Variants in STON1 observed in about 807,000 individuals in gnomAD.
STON1 encodes the protein stonin 1, also known as stonin-1.
STON1 carries 79 observed loss-of-function variants against 60.9 expected under a neutral mutation model. The ratio of observed to expected loss-of-function variants is 1.30; its 90% CI spans 1.08 to 1.56. STON1 has a LOEUF of 1.56. Ranked by LOEUF, STON1 falls within the 40% of genes most tolerant of loss-of-function variation. The probability of loss-of-function intolerance (pLI) is 0.00; values close to 1 mark genes in which losing one functional copy is unlikely to be tolerated. For synonymous variants in STON1, 363 were observed against 306.9 expected (o/e 1.18, Z -1.91); for missense variants, 1,166 against 858.9 (o/e 1.36, Z -4.47).
chr2:48,533,024 C>T (rs773384158), intron 1 of STON1, among the ~76,000 whole-genome samples: 3 of 151,874 alleles, frequency 2.0e-5, no homozygotes, highest in Non-Finnish European at 2.9e-5. Context: ...GAAGTGGAGG[C>T]CAGAGGATCA....
At chr2:48,569,726 A>T (rs1036690304) in intron 1 of STON1, among the ~76,000 whole-genome samples, 3 of 152,168 alleles carry the variant, frequency 2.0e-5, no homozygotes, top group Non-Finnish European at 4.4e-5. Context: ...CTTCTTATTT[A>T]TAGGGCTTGT....
chr2:48,564,476 CTTCTTTCTTCTTCTTCTT>C lies in STON1; in HGVS notation c.-47-16110_-47-16093del, dbSNP rs1672782339. Reference sequence around the variant, plus strand: ...TCTTCTTCTTCTTCTTCTTCTTCTTCTTCTTTCTTCTTCTTCTTCTTCTTCTTCTTCTTCTTCTTCTTC... The same window carrying C: ...TCTTCTTCTTCTTCTTCTTCTTCTTCCTTCTTCTTCTTCTTCTTCTTCTTC... On this transcript the variant is annotated intron_variant, in intron 1 of 3. Transcript: ENST00000404752. Among the ~76,000 whole-genome samples, 17 of 50,348 alleles carry C rather than the reference CTTCTTTCTTCTTCTTCTT, an allele frequency of 3.4e-4. 2 individuals are homozygous for C. Among genetic ancestry groups the C allele is most frequent in the African/African-American group, 1.2e-3 (16 of 12,912 alleles). The allele number at this position is 50,348 out of a possible 152,430, so 33.0% of individuals were successfully genotyped here.
intron 1 of STON1, among the ~76,000 whole-genome samples, chr2:48,572,227 G>A (rs1673247571): frequency 6.6e-6 from 1 of 152,120 alleles, no homozygotes; most frequent in Non-Finnish European, 1.5e-5. Context: ...GGAAGAGGAG[G>A]GCAGTGGGAA....
At chr2:48,554,454 C>T (rs1672226278) in intron 1 of STON1, among the ~76,000 whole-genome samples, 1 of 152,130 alleles carries the variant, frequency 6.6e-6, no homozygotes, top group African/African-American at 2.4e-5. Flanking sequence ...AACTCCTGAC[C>T]TCAGGTGATC....
intron 1 of STON1, among the ~76,000 whole-genome samples, chr2:48,579,096 C>T (rs6722556): frequency 0.33 from 49,317 of 151,716 alleles, 8,148 homozygotes; most frequent in East Asian, 0.42. Flanking sequence ...CTCTGCCTCC[C>T]GGGCTCAAGC....
chr2:48,588,167 C>G (rs77510702), intron 2 of STON1, among the ~76,000 whole-genome samples: 2,497 of 152,288 alleles, frequency 0.016, 29 homozygotes, highest in Non-Finnish European at 0.024. Context: ...TACTGTGTTT[C>G]TAACAAGTGC....
At position 48,581,282 on chromosome 2, in the gene STON1, G is replaced by T; in HGVS notation, c.649G>T (p.Asp217Tyr). Residue 217 changes from aspartate (D) to tyrosine (Y), a missense_variant, in exon 2 of 4, where the codon GAC becomes TAC. Coordinates refer to ENST00000404752, the MANE Select transcript of STON1 (RefSeq NM_006873.4). The part of the protein sequence containing the change: ...FSSRNKEMPI[D>Y]QKSLNKCSLN... ...ATCAAGAAACAAGGAGATGCCTATT[G>T]ACCAAAAAAGCCTAAATAAGTGTTC... The T allele has an allele frequency of 1.3e-6, 2 of 1,519,830 alleles. No individual in the cohort carries two copies. Among genetic ancestry groups the T allele is most frequent in the South Asian group, 1.3e-5 (1 of 74,510 alleles). 94.1% of individuals were successfully genotyped at this position (1,519,830 alleles called of 1,614,324 possible).
chr2:48,586,478 C>G (rs1043751324), intron 2 of STON1, among the ~76,000 whole-genome samples: 2 of 152,114 alleles, frequency 1.3e-5, no homozygotes, highest in African/African-American at 2.4e-5. Context: ...TTAGGGATCC[C>G]AGAGGAAAGG....
chr2:48,571,101 C>G (rs1464240981), intron 1 of STON1, among the ~76,000 whole-genome samples: 2 of 152,076 alleles, frequency 1.3e-5, no homozygotes, highest in Admixed American at 6.6e-5. Flanking sequence ...AGTGATCTGC[C>G]CGCCTTGGCC....
rs748501504 is a variant in STON1, at chr2:48,595,343, T to C, written c.*41T>C. On this transcript the variant is annotated 3_prime_UTR_variant, in exon 4 of 4. Coordinates refer to ENST00000404752, the MANE Select transcript of STON1 (RefSeq NM_006873.4). ...ATGATGACAGCCCACTTGTCAAATA[T>C]GTAATTCACCGAAACCACACCAAGT... The C allele has an allele frequency of 7.1e-6, 11 of 1,558,826 alleles. No homozygotes were observed. The highest frequency in any genetic ancestry group is 2.7e-5 in the African/African-American group (2 of 73,610).
intron 2 of STON1, among the ~76,000 whole-genome samples, chr2:48,584,654 TGGCGGGGGTG>T (rs1674096157): frequency 8.5e-6 from 1 of 117,490 alleles, no homozygotes; most frequent in African/African-American, 3.2e-5. Flanking sequence ...TCGGAATCTC[TGGCGGGGGTG>T]GGCGGTGGGG....
chr2:48,590,910 C>A (rs927028980), intron 2 of STON1, among the ~76,000 whole-genome samples: 1 of 152,034 alleles, frequency 6.6e-6, no homozygotes, highest in Non-Finnish European at 1.5e-5. Flanking sequence ...GAATTCTTGG[C>A]CTGGAACATT....
rs750432830 is a variant in STON1 at position 48,580,984 on chromosome 2, A to C, written c.351A>C (p.Ser117=). The change falls in exon 2 of 4, where the codon TCA becomes TCC. Residue 117 remains serine (S), a synonymous_variant. Coordinates refer to ENST00000404752, the MANE Select transcript of STON1 (RefSeq NM_006873.4). ...CTTCAGACAGCCCACTCGCAATATC[A>C]GGAGGAGAATCTTCCTTACTGCCTA... is the stretch of plus-strand genomic sequence containing the variant. ...ESSSDSPLAI[S]GGESSLLPTR... 14 of 1,574,160 alleles carry C rather than the reference A, an allele frequency of 8.9e-6. No homozygotes were observed. Among genetic ancestry groups the C allele is most frequent in the Non-Finnish European group, 1.2e-5 (14 of 1,164,152 alleles).
chr2:48,552,010 C>T (rs78148162), intron 1 of STON1, among the ~76,000 whole-genome samples: 9,364 of 152,274 alleles, frequency 0.061, 520 homozygotes, highest in East Asian at 0.27. Context: ...TGACATCTGC[C>T]GTGGGAACCC....
At position 48,580,874 on chromosome 2, in the gene STON1, C is replaced by G. The variant is rs762640976; in HGVS notation, c.241C>G (p.Leu81Val). 1.9e-6 allele frequency: 3 copies of G among 1,582,120 alleles called. No homozygotes were observed. The Admixed American group carries it at 5.5e-5, about 29-fold the overall frequency. ...FSPGPPSNSP[L>V]STPTKDFPGF... The stretch of plus-strand genomic sequence containing the variant: ...TCCAGGACCTCCAAGTAACTCTCCT[C>G]TTTCTACACCTACCAAAGACTTCCC... Residue 81 changes from leucine to valine, a missense_variant, in exon 2 of 4, where the codon CTT becomes GTT. Transcript: ENST00000404752.
At chr2:48,578,549 T>TC (rs1673665266) in intron 1 of STON1, among the ~76,000 whole-genome samples, 1 of 140,882 alleles carries the variant, frequency 7.1e-6, no homozygotes, top group Non-Finnish European at 1.5e-5. Context: ...TTCTCCTCCT[T>TC]CTCCTCCTTC....
chr2:48,560,770 C>A (rs1317784692), intron 1 of STON1, among the ~76,000 whole-genome samples: 2 of 152,140 alleles, frequency 1.3e-5, no homozygotes, highest in Non-Finnish European at 2.9e-5. Context: ...GGGTTAAGAT[C>A]CAGGCCTCTA....
intron 1 of STON1, chr2:48,569,162 G>C (rs1177602279): frequency 6.6e-6 from 1 of 152,170 alleles, no homozygotes; most frequent in African/African-American, 2.4e-5. Context: ...GAGTTTGTGA[G>C]TATTAAATGA....
intron 1 of STON1, among the ~76,000 whole-genome samples, chr2:48,570,972 C>G (rs1191178378): frequency 6.7e-6 from 1 of 149,322 alleles, no homozygotes; most frequent in African/African-American, 2.5e-5. Flanking sequence ...AAGCGATTCT[C>G]CTGCCTCAGC....
Sources: gnomAD v4.1 joint callset for allele counts (sites outside exome capture counted in the v4.1 genomes callset) on GRCh38, gnomAD v4.1.1 for gene constraint, MANE v1.5 for transcripts, NCBI Gene and HGNC (gene_info 2026-07-23, HGNC 2026-07-21) for gene names.